Variants in SCLY observed in about 807,000 individuals in gnomAD.
SCLY encodes the protein selenocysteine lyase.
In SCLY, 38 loss-of-function variants were observed where a neutral mutation model predicts 50.1. The observed-to-expected ratio is 0.76, with a 90% CI of 0.59 to 0.99. The LOEUF is 0.99. Among genes scored for constraint, SCLY ranks in the 50% least tolerant of loss-of-function variants. The pLI is 0.00. For missense variants in SCLY, 600 were observed against 620.0 expected (o/e 0.97, Z 0.34); for synonymous variants, 243 against 249.4 (o/e 0.97, Z 0.24).
chr2:238,064,470 G>A lies in SCLY; in HGVS notation c.202+1G>A, dbSNP rs1383169686. The A allele has an allele frequency of 6.3e-7, 1 of 1,599,914 alleles. No homozygotes were observed. The highest frequency in any genetic ancestry group is 8.5e-7 in the Non-Finnish European group (1 of 1,173,250). On this transcript the variant is annotated splice_donor_variant, in intron 2 of 11. Coordinates refer to ENST00000254663, the MANE Select transcript of SCLY (RefSeq NM_016510.7). LOFTEE classifies it high-confidence loss of function. ...AATCCCAGCAGCCCGTATTCAGCAGGTAATTCTAGAAGATGCACGTGTTCA... is the reference window on the plus strand; with the variant it reads ...AATCCCAGCAGCCCGTATTCAGCAGATAATTCTAGAAGATGCACGTGTTCA...
intron 3 of SCLY, among the ~76,000 whole-genome samples, chr2:238,068,692 C>A (rs929159459): frequency 1.3e-5 from 2 of 152,156 alleles, no homozygotes; most frequent in African/African-American, 4.8e-5. Context: ...ATTGTTATTT[C>A]CATAAAGGTT....
intron 7 of SCLY, among the ~76,000 whole-genome samples, chr2:238,089,425 C>T (rs547326248): frequency 5.1e-4 from 77 of 152,136 alleles, no homozygotes; most frequent in Non-Finnish European, 8.5e-4. Flanking sequence ...CAGATACAAC[C>T]GCAGGAGACG....
At chr2:238,061,416 C>A in intron 1 of SCLY, 2 of 619,260 alleles carry the variant, frequency 3.2e-6, no homozygotes, top group African/African-American at 1.9e-5. Flanking sequence ...GGAAGCAGAG[C>A]CTGCCAGGAA....
chr2:238,091,347 A>G, intron 8 of SCLY, 93 bp downstream of exon 8: 1 of 1,002,792 alleles, frequency 1.0e-6, no homozygotes, highest in Non-Finnish European at 1.6e-6. Flanking sequence ...TAGGGAGATC[A>G]TATTCGTGAT....
At chr2:238,074,298 T>C (rs1199162773) in intron 4 of SCLY, among the ~76,000 whole-genome samples, 4 of 149,116 alleles carry the variant, frequency 2.7e-5, no homozygotes. Context: ...AGAGCAAGAC[T>C]CCATCTCAAA....
At chr2:238,091,553 TCCCAAA>T in intron 8 of SCLY, 84 of 338,680 alleles carry the variant, frequency 2.5e-4, no homozygotes, top group South Asian at 6.3e-4. Flanking sequence ...GGTTCACCAT[TCCCAAA>T]GGCGTCGGCA....
At chr2:238,061,245 T>C (rs1239481652) in intron 1 of SCLY, 102 bp downstream of exon 1, 2 of 897,190 alleles carry the variant, frequency 2.2e-6, no homozygotes, top group Non-Finnish European at 3.6e-6. Context: ...CGCTCTCGCG[T>C]GGGGCGTCCC....
At chr2:238,061,489 C>A in intron 1 of SCLY, 5 of 395,970 alleles carry the variant, frequency 1.3e-5, no homozygotes, top group South Asian at 1.0e-4. Flanking sequence ...AGCCCCTGAG[C>A]CCGGGAAGAA....
chr2:238,097,168 C>CGGGCTGGGGT (rs1310621335), intron 11 of SCLY, among the ~76,000 whole-genome samples: 2 of 5,508 alleles, frequency 3.6e-4, no homozygotes, highest in Admixed American at 2.4e-3. Context: ...AGGGCTGGGG[C>CGGGCTGGGGT]GGGCTGGGGT....
chr2:238,098,161 T>C, intron 11 of SCLY, 41 bp from the exon 12 acceptor site: 1 of 1,595,098 alleles, frequency 6.3e-7, no homozygotes, highest in Non-Finnish European at 8.5e-7. Context: ...CTCTTCCATG[T>C]GCCCTCAGCA....
intron 5 of SCLY, 83 bp from the exon 6 acceptor site, chr2:238,081,962 C>T (rs929500895): frequency 7.6e-6 from 12 of 1,576,844 alleles, no homozygotes; most frequent in Non-Finnish European, 1.0e-5. Flanking sequence ...TAACATTTGG[C>T]CTGCGCTCAC....
chr2:238,098,568 T>TAGAACC lies in SCLY; in HGVS notation c.*213_*214insAGAACC, dbSNP rs1691302622. 2 of 373,474 alleles carry TAGAACC rather than the reference T, an allele frequency of 5.4e-6. No homozygotes were observed. The highest frequency in any genetic ancestry group is 5.0e-5 in the Admixed American group (1 of 19,878). 23.1% of individuals were successfully genotyped at this position (373,474 alleles called of 1,614,324 possible). ...CCAGGACACCAACGCCGCATAGGAC[T>TAGAACC]GCCCACATGGGACCGCCCACATAGG... On this transcript the variant is annotated 3_prime_UTR_variant, in exon 12 of 12. Transcript: ENST00000254663.
At chr2:238,062,828 T>C (rs1228724819) in intron 1 of SCLY, among the ~76,000 whole-genome samples, 2 of 152,280 alleles carry the variant, frequency 1.3e-5, no homozygotes, top group South Asian at 2.1e-4. Context: ...TGTGGATTGG[T>C]GTAAGCACTG....
In SCLY at chr2:238,074,679, C is replaced by T. The variant is rs1473188705; in HGVS notation, c.484+5202C>T. On this transcript the variant is annotated intron_variant, in intron 4 of 11. Coordinates refer to ENST00000254663, the MANE Select transcript of SCLY (RefSeq NM_016510.7). The stretch of plus-strand genomic sequence containing the variant: ...TGTATTTTTAGTAGAGATGGGGTTT[C>T]ACCATGTTGGTCAGGCTGGTCTTGA... Among the ~76,000 whole-genome samples, 3 of 152,120 alleles carry T rather than the reference C, an allele frequency of 2.0e-5. No homozygotes were observed. In the East Asian group the frequency reaches 5.8e-4, roughly 29 times the overall value.
In SCLY at chr2:238,061,094, C is replaced by T. The variant is rs1030679875; in HGVS notation, c.40C>T (p.Pro14Ser). The T allele has an allele frequency of 1.0e-5, 14 of 1,400,362 alleles. No individual in the cohort carries two copies. The African/African-American group carries it at 1.5e-4, about 15-fold the overall frequency. The allele number at this position is 1,400,362 out of a possible 1,614,324, so 86.7% of individuals were successfully genotyped here. ...AVAPGRDAPAPAASQPSGCGK... is the reference protein window; with the variant it reads ...AVAPGRDAPASAASQPSGCGK... Reference sequence around the variant, plus strand: ...GGCGCCGGGGAGGGATGCGCCGGCACCCGCGGCGAGTCAGCCCAGCGGCTG... The same window carrying T: ...GGCGCCGGGGAGGGATGCGCCGGCATCCGCGGCGAGTCAGCCCAGCGGCTG... The change falls in exon 1 of 12, where the codon CCC becomes TCC. Residue 14 changes from proline (P) to serine (S), a missense_variant. By Grantham distance (74) the Pro-to-Ser change is moderately conservative (BLOSUM62 -1). Transcript: ENST00000254663.
chr2:238,085,065 T>C (rs770228980), intron 7 of SCLY, among the ~76,000 whole-genome samples: 1 of 151,954 alleles, frequency 6.6e-6, no homozygotes, highest in Non-Finnish European at 1.5e-5. Context: ...CAAGTGAAAA[T>C]CATTCATCAT....
At position 238,087,745 on chromosome 2, in the gene SCLY, C is replaced by T. The variant is rs562983946; in HGVS notation, c.885-3473C>T. On this transcript the variant is annotated intron_variant, in intron 7 of 11. Transcript: ENST00000254663. ...ACCAACATCCTCATGAATTTTGATGCAAAAAATATTTAACAAAATGTTTAC... is the reference window on the plus strand; with the variant it reads ...ACCAACATCCTCATGAATTTTGATGTAAAAAATATTTAACAAAATGTTTAC... 5.3e-5 allele frequency among the ~76,000 whole-genome samples: 8 copies of T among 152,158 alleles called. No individual in the cohort carries two copies. In the East Asian group the frequency reaches 1.4e-3, roughly 26 times the overall value.
At position 238,098,335 on chromosome 2, in the gene SCLY, C is replaced by T; in HGVS notation, c.1318C>T (p.Gln440Ter). 1.2e-6 allele frequency: 2 copies of T among 1,602,456 alleles called. No individual in the cohort carries two copies. The highest frequency in any genetic ancestry group is 1.7e-6 in the Non-Finnish European group (2 of 1,177,826). Residue 440 changes from glutamine (Q) to a stop codon, truncating the protein, a stop_gained, in exon 12 of 12, where the codon CAG becomes TAG. Coordinates refer to ENST00000254663, the MANE Select transcript of SCLY (RefSeq NM_016510.7). LOFTEE classifies it high-confidence loss of function. The part of the protein sequence containing the change: ...VVQDLKQAVA[Q>*]LEDQA ...GCAGGACCTGAAGCAGGCCGTGGCG[C>T]AGCTGGAGGACCAGGCCTAGCACTG...
chr2:238,091,154 C>A, intron 7 of SCLY, 64 bp from the exon 8 acceptor site: 1 of 1,383,016 alleles, frequency 7.2e-7, no homozygotes, highest in Non-Finnish European at 1.0e-6. Context: ...CAATGACTTT[C>A]ATGGAGACAG....
Sources: allele counts gnomAD v4.1 joint callset (sites outside exome capture counted in the v4.1 genomes callset), GRCh38; gene constraint gnomAD v4.1.1; transcripts MANE v1.5; gene names NCBI Gene and HGNC (gene_info 2026-07-23, HGNC 2026-07-21).